Variants in INSC observed in about 807,000 individuals in gnomAD.
The protein encoded by INSC is INSC spindle orientation adaptor protein.
A neutral mutation model predicts 58.6 loss-of-function variants in INSC; 67 were observed. The observed-to-expected ratio is 1.14, with a 90% CI of 0.94 to 1.40. The LOEUF is 1.40. Among genes scored for constraint, INSC ranks in the 40% most tolerant of loss-of-function variants. The probability of loss-of-function intolerance (pLI) is 0.00; values close to 1 mark genes in which losing one functional copy is unlikely to be tolerated. For missense variants in INSC, 714 were observed against 692.0 expected (o/e 1.03, Z -0.36); for synonymous variants, 262 against 276.1 (o/e 0.95, Z 0.51).
At chr11:15,140,492 A>G (rs1395446056) in intron 1 of INSC, among the ~76,000 whole-genome samples, 1 of 151,986 alleles carries the variant, frequency 6.6e-6, no homozygotes, top group Non-Finnish European at 1.5e-5. Context: ...GGTTGGAATG[A>G]GGAAGCCTGT....
chr11:15,148,603 T>C (rs2133745564), intron 1 of INSC, among the ~76,000 whole-genome samples: 1 of 150,188 alleles, frequency 6.7e-6, no homozygotes, highest in East Asian at 1.9e-4. Flanking sequence ...TCATCTGAAG[T>C]GGAATGGATT....
chr11:15,135,765 T>C (rs1848230284), intron 1 of INSC, among the ~76,000 whole-genome samples: 1 of 152,244 alleles, frequency 6.6e-6, no homozygotes, highest in Non-Finnish European at 1.5e-5. Context: ...TTTGTGCTGC[T>C]ATAACAGAAT....
At chr11:15,229,807 C>T (rs1202676250) in intron 9 of INSC, among the ~76,000 whole-genome samples, 2 of 148,994 alleles carry the variant, frequency 1.3e-5, no homozygotes, top group African/African-American at 2.5e-5. Context: ...GATGTAATCC[C>T]AGTACTTTGG....
At chr11:15,149,333 C>T (rs1714353) in intron 2 of INSC, 103 bp downstream of exon 2, 307,483 of 1,177,754 alleles carry the variant, frequency 0.26, 42,385 homozygotes, top group Non-Finnish European at 0.28. Context: ...CATCTTCCCA[C>T]GCAATTTTCT....
intron 12 of INSC, chr11:15,241,739 A>G (rs1852365151): frequency 3.2e-6 from 2 of 632,822 alleles, no homozygotes; most frequent in Non-Finnish European, 5.6e-6. Context: ...TAAAATATAT[A>G]GAATTAAAAC....
chr11:15,112,655 G>GT (rs1458284802), upstream of INSC: 9 of 262,578 alleles, frequency 3.4e-5, 2 homozygotes, highest in East Asian at 2.4e-4. Flanking sequence ...AGTGGGGGGG[G>GT]GGCATTTATG....
intron 2 of INSC, among the ~76,000 whole-genome samples, chr11:15,173,975 C>A (rs140805175): frequency 2.6e-4 from 39 of 152,274 alleles, no homozygotes; most frequent in African/African-American, 8.4e-4. Flanking sequence ...ACCAGGCTGG[C>A]CTCATTGGTG....
chr11:15,227,903 G>C (rs1485310106), intron 9 of INSC, among the ~76,000 whole-genome samples: 4 of 152,230 alleles, frequency 2.6e-5, no homozygotes, highest in Non-Finnish European at 4.4e-5. Context: ...AGATCCAGTA[G>C]TGAGGCAATA....
At chr11:15,118,747 A>G (rs1229828146) in intron 1 of INSC, among the ~76,000 whole-genome samples, 2 of 152,238 alleles carry the variant, frequency 1.3e-5, no homozygotes, top group Non-Finnish European at 2.9e-5. Flanking sequence ...AAGCTCAACC[A>G]AGTGAAAACA....
At chr11:15,238,860 C>T in intron 10 of INSC, 59 bp from the exon 11 acceptor site, 1 of 1,556,288 alleles carries the variant, frequency 6.4e-7, no homozygotes, top group Non-Finnish European at 8.8e-7. Context: ...GTCCAGCTGG[C>T]CCCATGGGGA....
intron 1 of INSC, among the ~76,000 whole-genome samples, chr11:15,134,573 A>G (rs1174219126): frequency 1.3e-5 from 2 of 152,196 alleles, no homozygotes; most frequent in African/African-American, 2.4e-5. Context: ...GAGGGCTGTC[A>G]TTAGACAAAC....
chr11:15,172,845 A>G (rs908962877), intron 2 of INSC, among the ~76,000 whole-genome samples: 6 of 151,944 alleles, frequency 3.9e-5, no homozygotes, highest in African/African-American at 9.7e-5. Flanking sequence ...GGCTGGGGCC[A>G]TATCACGGAA....
chr11:15,213,375 A>G (rs138910004), intron 7 of INSC, among the ~76,000 whole-genome samples: 5 of 152,330 alleles, frequency 3.3e-5, no homozygotes, highest in East Asian at 1.9e-4. Flanking sequence ...ACTGTCCTAG[A>G]TGATTCGAAT....
chr11:15,219,117 G>A (rs773505075), intron 7 of INSC, among the ~76,000 whole-genome samples: 19 of 152,240 alleles, frequency 1.2e-4, no homozygotes, highest in Non-Finnish European at 7.4e-5. Flanking sequence ...CAGCTGTGGA[G>A]CTGTTAAAAA....
chr11:15,228,251 G>A (rs1851715726), intron 9 of INSC, among the ~76,000 whole-genome samples: 1 of 152,112 alleles, frequency 6.6e-6, no homozygotes, highest in African/African-American at 2.4e-5. Flanking sequence ...CTTCCATCTT[G>A]AACATCCTCT....
chr11:15,111,431 A>G (rs1378661656), upstream of INSC, among the ~76,000 whole-genome samples: 1 of 152,188 alleles, frequency 6.6e-6, no homozygotes, highest in Non-Finnish European at 1.5e-5. Context: ...TCCTTCCTAA[A>G]GTGATGTGTG....
chr11:15,193,628 T>C (rs1172681253), intron 6 of INSC, among the ~76,000 whole-genome samples: 1 of 152,244 alleles, frequency 6.6e-6, no homozygotes, highest in Non-Finnish European at 1.5e-5. Context: ...GAACTCATCC[T>C]TTTTATGGCT....
At chr11:15,173,898 A>G (rs1849486250) in intron 2 of INSC, among the ~76,000 whole-genome samples, 3 of 152,232 alleles carry the variant, frequency 2.0e-5, no homozygotes, top group Non-Finnish European at 4.4e-5. Flanking sequence ...ACATGAAGAC[A>G]TGATTTTTTA....
intron 5 of INSC, among the ~76,000 whole-genome samples, chr11:15,183,358 A>C (rs1045317892): frequency 6.6e-6 from 1 of 151,804 alleles, no homozygotes; most frequent in Non-Finnish European, 1.5e-5. Context: ...TCTCAAAAAA[A>C]AAAAAAAAAA....
Sources: gnomAD v4.1 joint callset for allele counts (sites outside exome capture counted in the v4.1 genomes callset) on GRCh38, gnomAD v4.1.1 for gene constraint, MANE v1.5 for transcripts, NCBI Gene and HGNC (gene_info 2026-07-23, HGNC 2026-07-21) for gene names.